AREL1: variants seen among roughly 807,000 people sequenced by gnomAD.
The protein encoded by AREL1 is apoptosis-resistant E3 ubiquitin protein ligase 1.
In AREL1, 62 loss-of-function variants were observed where a neutral mutation model predicts 99.0. The observed-to-expected ratio is 0.63, with a 90% CI of 0.51 to 0.77. AREL1 has a LOEUF of 0.77. AREL1 is among the 30% of genes least tolerant of loss of function. The pLI, the probability that AREL1 is intolerant of heterozygous loss-of-function variation, is 0.00. For missense variants in AREL1, 879 were observed against 1,027.6 expected, an observed-to-expected ratio of 0.86 and a Z score of 1.98; for synonymous variants, 380 against 376.5, an observed-to-expected ratio of 1.01 and a Z score of -0.11.
At position 74,683,462 on chromosome 14, in the gene AREL1, G is replaced by A; in HGVS notation, c.315C>T (p.Val105=). 3 of 1,614,050 alleles carry A rather than the reference G, an allele frequency of 1.9e-6. No homozygotes were observed. The highest frequency in any genetic ancestry group is 1.3e-5 in the African/African-American group (1 of 75,004). Residue 105 remains valine (V), a synonymous_variant, in exon 5 of 20, where the codon GTC becomes GTT. Coordinates refer to ENST00000356357, the MANE Select transcript of AREL1 (RefSeq NM_001039479.2). The stretch of plus-strand genomic sequence containing the variant: ...TCACTGGAATTTCCACTGCTAGCTC[G>A]ACATGAGAGATGTGAACTCTTAGTC... ...PVGLRVHISH[V]ELAVEIPVTQ... is the part of the protein sequence containing the mutation.
intron 2 of AREL1, among the ~76,000 whole-genome samples, chr14:74,691,403 A>G (rs2089877410): frequency 6.6e-6 from 1 of 152,108 alleles, no homozygotes; most frequent in Non-Finnish European, 1.5e-5. Context: ...GAATCATGAA[A>G]AAGAATAAAG....
At chr14:74,710,266 T>C (rs2090255842) in intron 1 of AREL1, among the ~76,000 whole-genome samples, 1 of 152,232 alleles carries the variant, frequency 6.6e-6, no homozygotes, top group African/African-American at 2.4e-5. Context: ...TCCCCCATGG[T>C]GTTCCTACAC....
intron 8 of AREL1, 93 bp downstream of exon 8, chr14:74,675,606 T>C: frequency 6.7e-7 from 1 of 1,498,724 alleles, no homozygotes; most frequent in Admixed American, 2.0e-5. Context: ...TTGCCCTGAT[T>C]CTCAGACTGT....
chr14:74,709,155 G>T (rs547846080), intron 1 of AREL1, among the ~76,000 whole-genome samples: 1 of 152,184 alleles, frequency 6.6e-6, no homozygotes, highest in Non-Finnish European at 1.5e-5. Flanking sequence ...AAGGTAAAAC[G>T]GTCAGGCACA....
At chr14:74,711,591 C>T (rs1256670002) in intron 1 of AREL1, among the ~76,000 whole-genome samples, 2 of 151,808 alleles carry the variant, frequency 1.3e-5, no homozygotes, top group African/African-American at 4.8e-5. Flanking sequence ...AAATTCCAAC[C>T]CTGCCACACA....
chr14:74,688,019 CTTTTTTTTTTTTTT>C (rs764034669), intron 2 of AREL1, among the ~76,000 whole-genome samples: 1 of 108,704 alleles, frequency 9.2e-6, no homozygotes, highest in Admixed American at 9.7e-5. Context: ...TGAGTACTTA[CTTTTTTTTTTTTTT>C]TTTTTTTTTT....
intron 1 of AREL1, among the ~76,000 whole-genome samples, chr14:74,696,577 G>C (rs1365508015): frequency 6.6e-5 from 10 of 152,300 alleles, no homozygotes; most frequent in African/African-American, 2.4e-4. Flanking sequence ...AGGTGCAGTA[G>C]TGCACACCTG....
Position 74,673,177 on chromosome 14 carries a change from T to C in AREL1, c.1200A>G (p.Thr400=). 4 of 1,614,082 alleles carry C rather than the reference T, an allele frequency of 2.5e-6. No individual in the cohort carries two copies. Among genetic ancestry groups the C allele is most frequent in the Non-Finnish European group, 3.4e-6 (4 of 1,180,026 alleles). The change falls in exon 10 of 20, where the codon ACA becomes ACG. Residue 400 remains threonine (T), a synonymous_variant. Coordinates refer to ENST00000356357, the MANE Select transcript of AREL1 (RefSeq NM_001039479.2). ...LGPDPVHKLL[T]LVVDDGIQPP... is the part of the protein sequence containing the mutation. ...GTTGAATGCCATCATCCACCACCAGTGTGAGCAGCTTATGGACAGGGTCAG... is the reference window on the plus strand; with the variant it reads ...GTTGAATGCCATCATCCACCACCAGCGTGAGCAGCTTATGGACAGGGTCAG...
intron 1 of AREL1, chr14:74,711,850 C>G (rs142504541): frequency 3.8e-4 from 57 of 151,976 alleles, no homozygotes; most frequent in African/African-American, 1.2e-3. Flanking sequence ...CAGTCAGACT[C>G]CAAAGTTCGT....
chr14:74,697,851 T>C (rs897392755), intron 1 of AREL1, among the ~76,000 whole-genome samples: 11 of 152,286 alleles, frequency 7.2e-5, no homozygotes, highest in African/African-American at 2.6e-4. Context: ...AGAAATCTAC[T>C]GTGCTGCCGT....
intron 1 of AREL1, among the ~76,000 whole-genome samples, chr14:74,700,015 C>G (rs1566702078): frequency 6.6e-6 from 1 of 152,154 alleles, no homozygotes; most frequent in Non-Finnish European, 1.5e-5. Flanking sequence ...CCACAATAGC[C>G]CAACCCACAG....
At chr14:74,686,128 TATC>T (rs1382336594) in intron 2 of AREL1, among the ~76,000 whole-genome samples, 2 of 152,178 alleles carry the variant, frequency 1.3e-5, no homozygotes, top group Non-Finnish European at 2.9e-5. Context: ...CAAGTATCAT[TATC>T]ATCATGTTGG....
chr14:74,676,830 T>C, intron 5 of AREL1, 78 bp from the exon 6 acceptor site: 1 of 1,198,984 alleles, frequency 8.3e-7, no homozygotes, highest in Non-Finnish European at 1.1e-6. Context: ...GGAGTCTCGC[T>C]CTTTCGCCCA....
intron 2 of AREL1, among the ~76,000 whole-genome samples, chr14:74,688,653 A>T (rs1056234454): frequency 2.7e-4 from 41 of 152,120 alleles, no homozygotes; most frequent in African/African-American, 9.7e-4. Flanking sequence ...TCATTCGCTG[A>T]CATCAACTTT....
intron 15 of AREL1, among the ~76,000 whole-genome samples, chr14:74,668,576 G>A (rs1236177863): frequency 6.6e-6 from 1 of 151,974 alleles, no homozygotes; most frequent in African/African-American, 2.4e-5. Flanking sequence ...TGGGTCTGAG[G>A]ACCCTAATTC....
chr14:74,676,033 C>T, intron 7 of AREL1, 87 bp from the exon 8 acceptor site: 1 of 1,548,164 alleles, frequency 6.5e-7, no homozygotes. Context: ...ACAGGACAAG[C>T]CAAATGTGGC....
At position 74,670,137 on chromosome 14, in the gene AREL1, A is replaced by C; in HGVS notation, c.1609-11T>G. Reference sequence around the variant, plus strand: ...AGGGTTGGGATGCACCTGTCCAAGAAAGAGACTGAAAGGCCCTGGGCCATT... The same window carrying C: ...AGGGTTGGGATGCACCTGTCCAAGACAGAGACTGAAAGGCCCTGGGCCATT... On this transcript the variant is annotated splice_polypyrimidine_tract_variant and intron_variant, in intron 13 of 19. Coordinates refer to ENST00000356357, the MANE Select transcript of AREL1 (RefSeq NM_001039479.2). The C allele has an allele frequency of 6.3e-7, 1 of 1,578,460 alleles. No homozygotes were observed. Among genetic ancestry groups the C allele is most frequent in the Non-Finnish European group, 8.6e-7 (1 of 1,160,146 alleles).
intron 12 of AREL1, 87 bp downstream of exon 12, chr14:74,671,321 C>CT (rs34340758): frequency 0.028 from 3,528 of 125,862 alleles, 170 homozygotes; most frequent in Non-Finnish European, 0.037. Flanking sequence ...GTAAGAGTTG[C>CT]TTTTTTTTTT....
At position 74,701,022 on chromosome 14, in the gene AREL1, G is replaced by C. The variant is rs114570969; in HGVS notation, c.-333-8694C>G. ...CTATACACTGGCCACAATATAGACA[G>C]GGTCCAACATAGACCCTCATTAGTC... On this transcript the variant is annotated intron_variant, in intron 1 of 19. Transcript: ENST00000356357. 7.8e-3 allele frequency among the ~76,000 whole-genome samples: 1,186 copies of C among 152,238 alleles called. 16 individuals carry two copies. The highest frequency in any genetic ancestry group is 0.027 in the African/African-American group (1,140 of 41,556).
Sources: gnomAD v4.1 joint callset for allele counts (sites outside exome capture counted in the v4.1 genomes callset) on GRCh38, gnomAD v4.1.1 for gene constraint, MANE v1.5 for transcripts, NCBI Gene and HGNC (gene_info 2026-07-23, HGNC 2026-07-21) for gene names.